EML6: variants seen among roughly 807,000 people sequenced by gnomAD.
The protein encoded by EML6 is EMAP like 6, also known as echinoderm microtubule-associated protein-like 6.
Under a neutral mutation model 240.1 loss-of-function variants are expected in EML6, and 154 were observed. The observed-to-expected ratio is 0.64, with a 90% CI of 0.56 to 0.73. The LOEUF (loss-of-function observed/expected upper bound fraction) is 0.73. EML6 is among the 30% of genes least tolerant of loss of function. EML6 has a pLI of 0.00. For synonymous variants in EML6, 1,148 were observed against 899.0 expected, an observed-to-expected ratio of 1.28 and a Z score of -4.95; for missense variants, 2,964 against 2,474.6, an observed-to-expected ratio of 1.20 and a Z score of -4.20.
At chr2:54,791,024 C>T (rs748732914) in intron 2 of EML6, among the ~76,000 whole-genome samples, 16 of 152,250 alleles carry the variant, frequency 1.1e-4, no homozygotes, top group Non-Finnish European at 1.8e-4. Context: ...CGCGCCCGGC[C>T]GGTAACTTAA....
intron 21 of EML6, among the ~76,000 whole-genome samples, chr2:54,898,557 T>C (rs942056690): frequency 6.6e-6 from 1 of 152,218 alleles, no homozygotes; most frequent in African/African-American, 2.4e-5. Flanking sequence ...CCTCATTTTC[T>C]CATATTTGAA....
intron 26 of EML6, 81 bp downstream of exon 26, chr2:54,917,016 A>C: frequency 1.8e-6 from 2 of 1,094,724 alleles, no homozygotes; most frequent in Non-Finnish European, 2.6e-6. Context: ...ATTTTTAAAA[A>C]TTTGAAGTCA....
At chr2:54,961,188 T>TTTTTTTTTTTTTTTTTTTTTTTTTG (rs1676489764) in intron 35 of EML6, among the ~76,000 whole-genome samples, 2 of 106,692 alleles carry the variant, frequency 1.9e-5, no homozygotes, top group Non-Finnish European at 1.9e-5. Flanking sequence ...GAAGTAGTTT[T>TTTTTTTTTTTTTTTTTTTTTTTTTG]TTTTTTTTTT....
intron 30 of EML6, 111 bp downstream of exon 30, chr2:54,950,890 T>G: frequency 8.9e-7 from 1 of 1,127,948 alleles, no homozygotes; most frequent in Non-Finnish European, 1.2e-6. Context: ...ATAGAGCCAT[T>G]CCCCCCAATT....
rs1573238817 is a variant in EML6 at position 54,971,379 on chromosome 2, T to G, written c.*1284T>G. 6.6e-6 allele frequency: 1 copy of G among 152,120 alleles called. No homozygotes were observed. The highest frequency in any genetic ancestry group is 6.5e-5 in the Admixed American group (1 of 15,270). The allele number at this position is 152,120 out of a possible 1,614,324, so 9.4% of individuals were successfully genotyped here. On this transcript the variant is annotated 3_prime_UTR_variant, in exon 42 of 42. Coordinates refer to ENST00000356458, the MANE Select transcript of EML6 (RefSeq NM_001039753.4). ...CTGACAGTGCTCACTGAAAGGAGAG[T>G]TGGTGCGGGACTGGTGGTTCTGAGC...
rs563719254 is a variant in EML6, at chr2:54,887,878, G to A, written c.2439-3176G>A. ...CTACTATCACCCTCCTGCACTAGAC[G>A]GTACATTTGTTACAATTCATGAACC... On this transcript the variant is annotated intron_variant, in intron 17 of 41. Coordinates refer to ENST00000356458, the MANE Select transcript of EML6 (RefSeq NM_001039753.4). Among the ~76,000 whole-genome samples, 8 of 152,188 alleles carry A rather than the reference G, an allele frequency of 5.3e-5. No homozygotes were observed. The South Asian group carries it at 1.5e-3, about 28-fold the overall frequency.
At chr2:54,892,786 G>C in intron 19 of EML6, 130 bp downstream of exon 19, 1 of 659,928 alleles carries the variant, frequency 1.5e-6, no homozygotes, top group Non-Finnish European at 2.5e-6. Context: ...TTGTCATAAA[G>C]CTCAGTCAAG....
chr2:54,865,363 G>C (rs947096325), intron 13 of EML6, among the ~76,000 whole-genome samples: 1 of 149,952 alleles, frequency 6.7e-6, no homozygotes, highest in Non-Finnish European at 1.5e-5. Context: ...TGTAGTCCCA[G>C]CTACTCAGGA....
At chr2:54,845,914 T>A (rs1669725886) in intron 8 of EML6, among the ~76,000 whole-genome samples, 3 of 152,224 alleles carry the variant, frequency 2.0e-5, no homozygotes, top group African/African-American at 7.2e-5. Context: ...GTTTGTGTTA[T>A]CAGAAGACTA....
chr2:54,824,316 C>T (rs973208131), intron 5 of EML6, among the ~76,000 whole-genome samples: 2 of 152,092 alleles, frequency 1.3e-5, no homozygotes, highest in Non-Finnish European at 2.9e-5. Flanking sequence ...TTTTTCTAAG[C>T]AAATACAAGC....
At chr2:54,955,625 T>C (rs1455408704) in intron 32 of EML6, among the ~76,000 whole-genome samples, 1 of 152,228 alleles carries the variant, frequency 6.6e-6, no homozygotes, top group Non-Finnish European at 1.5e-5. Context: ...GCTCACTGTC[T>C]TCACTCCCTC....
intron 12 of EML6, among the ~76,000 whole-genome samples, chr2:54,863,337 G>C (rs577415354): frequency 2.1e-4 from 32 of 152,172 alleles, no homozygotes; most frequent in Non-Finnish European, 4.4e-4. Flanking sequence ...AGGCAATGTG[G>C]TGAAACCCTG....
intron 32 of EML6, 81 bp downstream of exon 32, chr2:54,954,237 C>A: frequency 7.5e-7 from 1 of 1,330,242 alleles, no homozygotes. Context: ...CCAGATCTGC[C>A]TCACTCCGAA....
intron 2 of EML6, among the ~76,000 whole-genome samples, chr2:54,745,564 C>T (rs936405208): frequency 9.2e-5 from 14 of 152,066 alleles, no homozygotes; most frequent in Admixed American, 2.6e-4. Flanking sequence ...ATCGCTCAAG[C>T]CCAAGAGTTC....
chr2:54,915,446 A>G (rs1673860964), intron 25 of EML6, among the ~76,000 whole-genome samples: 1 of 152,040 alleles, frequency 6.6e-6, no homozygotes, highest in Non-Finnish European at 1.5e-5. Context: ...TCTTCCTGTG[A>G]AGGTTAGGTT....
chr2:54,830,906 G>C (rs916321389), intron 7 of EML6, among the ~76,000 whole-genome samples: 1 of 152,150 alleles, frequency 6.6e-6, no homozygotes, highest in Non-Finnish European at 1.5e-5. Flanking sequence ...TGAATACTAG[G>C]CACAGAGTTT....
intron 2 of EML6, among the ~76,000 whole-genome samples, chr2:54,788,951 C>A (rs1436509393): frequency 1.3e-5 from 2 of 152,120 alleles, no homozygotes; most frequent in Admixed American, 6.5e-5. Flanking sequence ...CTTTCTATTC[C>A]CTTCTCCATC....
intron 28 of EML6, 142 bp from the exon 29 acceptor site, chr2:54,948,740 A>G (rs1675814971): frequency 1.6e-6 from 1 of 633,638 alleles, no homozygotes; most frequent in Non-Finnish European, 2.8e-6. Flanking sequence ...AGAGGAGGGC[A>G]GGACTGAACA....
intron 2 of EML6, among the ~76,000 whole-genome samples, chr2:54,802,700 T>G (rs1370235840): frequency 6.6e-6 from 1 of 151,242 alleles, no homozygotes; most frequent in Non-Finnish European, 1.5e-5. Flanking sequence ...ATAATAATAA[T>G]TTAGTTGCTC....
Sources: gnomAD v4.1 joint callset for allele counts (sites outside exome capture counted in the v4.1 genomes callset) on GRCh38, gnomAD v4.1.1 for gene constraint, MANE v1.5 for transcripts, NCBI Gene and HGNC (gene_info 2026-07-23, HGNC 2026-07-21) for gene names.